Variants in TENM3 observed in about 807,000 individuals in gnomAD.
TENM3 encodes the protein teneurin-3.
A neutral mutation model predicts 255.1 loss-of-function variants in TENM3; 63 were observed. That is an observed-to-expected ratio of 0.25 (90% CI 0.20 to 0.30). TENM3 has a LOEUF of 0.30. TENM3 is among the 10% of genes least tolerant of loss of function. The pLI is 1.00. For missense variants in TENM3, 2,929 were observed against 3,461.1 expected (o/e 0.85, Z 3.86); for synonymous variants, 1,306 against 1,322.3 (o/e 0.99, Z 0.27).
chr4:182,140,960 T>G (rs1198037057), upstream of TENM3, among the ~76,000 whole-genome samples: 1 of 150,722 alleles, frequency 6.6e-6, no homozygotes, highest in African/African-American at 2.4e-5. Context: ...TTCCCCAAAA[T>G]GAATCCAGAG....
the TENM3 span, among the ~76,000 whole-genome samples, chr4:181,898,020 C>T: frequency 1.3e-5 from 2 of 152,180 alleles, no homozygotes; most frequent in Non-Finnish European, 2.9e-5. Flanking sequence ...TTCTATTTCT[C>T]TATTTCTCTA....
chr4:182,124,933 TGTG>T, the TENM3 span, among the ~76,000 whole-genome samples: 15 of 150,066 alleles, frequency 1.0e-4, no homozygotes, highest in South Asian at 6.3e-4. Flanking sequence ...CCACGCTGTG[TGTG>T]CTACTCGCCC....
chr4:182,063,527 G>A, the TENM3 span, among the ~76,000 whole-genome samples: 1 of 152,154 alleles, frequency 6.6e-6, no homozygotes, highest in Non-Finnish European at 1.5e-5. Flanking sequence ...TTATTCAAGT[G>A]CTCCCAAAAC....
At chr4:182,729,220 T>C (rs1420477050) in intron 14 of TENM3, 39 bp downstream of exon 14, 1 of 1,512,378 alleles carries the variant, frequency 6.6e-7, no homozygotes, top group Admixed American at 1.7e-5. Context: ...TGTAATGATG[T>C]TATCAACAGT....
Position 182,792,389 on chromosome 4 carries a change from G to A in TENM3, c.5717G>A (p.Arg1906Gln), listed in dbSNP as rs746186070. 36 of 1,613,872 alleles carry A rather than the reference G, an allele frequency of 2.2e-5. No individual in the cohort carries two copies. Among genetic ancestry groups the A allele is most frequent in the South Asian group, 1.4e-4 (13 of 91,084 alleles). The change falls in exon 26 of 28, where the codon CGA becomes CAA. Residue 1906 changes from arginine to glutamine, a missense_variant. By Grantham distance (43) the Arg-to-Gln change is conservative. Coordinates refer to ENST00000511685, the MANE Select transcript of TENM3 (RefSeq NM_001080477.4). The surrounding 1 kb of genome is among the most constrained non-coding windows in gnomAD (Gnocchi z 6.3). ...SVARHTMQTI[R>Q]SIGYYRNIYN... ...GCTCGCCACACCATGCAGACCATCCGATCCATTGGCTACTACCGCAACATA... is the reference window on the plus strand; with the variant it reads ...GCTCGCCACACCATGCAGACCATCCAATCCATTGGCTACTACCGCAACATA...
At chr4:181,665,770 T>C in the TENM3 span, among the ~76,000 whole-genome samples, 3 of 152,122 alleles carry the variant, frequency 2.0e-5, no homozygotes, top group Non-Finnish European at 4.4e-5. Context: ...ACCATTCTTC[T>C]TTATTTTTGG....
chr4:181,706,927 C>A, the TENM3 span, among the ~76,000 whole-genome samples: 1 of 152,174 alleles, frequency 6.6e-6, no homozygotes, highest in Non-Finnish European at 1.5e-5. Context: ...AATACGTTAG[C>A]CCTAGCTCAG....
intron 3 of TENM3, among the ~76,000 whole-genome samples, chr4:182,384,449 G>T (rs1298842046): frequency 6.6e-6 from 1 of 151,910 alleles, no homozygotes; most frequent in Admixed American, 6.6e-5. Flanking sequence ...TATAAACAAA[G>T]AAATGCATTT....
At chr4:181,694,857 C>G in the TENM3 span, among the ~76,000 whole-genome samples, 1 of 152,166 alleles carries the variant, frequency 6.6e-6, no homozygotes, top group Non-Finnish European at 1.5e-5. Flanking sequence ...CTCTGCTATC[C>G]TAGAAGAAAG....
the TENM3 span, among the ~76,000 whole-genome samples, chr4:181,888,591 C>CGGGTGTGTGTGTGT: frequency 1.1e-5 from 1 of 90,176 alleles, no homozygotes; most frequent in Admixed American, 1.4e-4. Flanking sequence ...TATATATATG[C>CGGGTGTGTGTGTGT]GTGTGTGTGT....
At chr4:181,606,567 G>A in the TENM3 span, among the ~76,000 whole-genome samples, 2 of 152,202 alleles carry the variant, frequency 1.3e-5, no homozygotes, top group East Asian at 3.9e-4. Flanking sequence ...ATTACTCAGG[G>A]AAAATCTGGC....
At chr4:182,641,629 G>A (rs541849406) in intron 5 of TENM3, among the ~76,000 whole-genome samples, 1 of 151,880 alleles carries the variant, frequency 6.6e-6, no homozygotes, top group South Asian at 2.1e-4. Flanking sequence ...ATAGGTTCAA[G>A]TGAATCTCCT....
At chr4:182,114,402 C>A in the TENM3 span, among the ~76,000 whole-genome samples, 1 of 152,008 alleles carries the variant, frequency 6.6e-6, no homozygotes, top group Non-Finnish European at 1.5e-5. Flanking sequence ...TCCTCCTCCT[C>A]CTTCTTCATT....
intron 3 of TENM3, among the ~76,000 whole-genome samples, chr4:182,372,652 C>CA (rs200910500): frequency 8.2e-4 from 120 of 146,598 alleles, no homozygotes; most frequent in African/African-American, 2.4e-3. Flanking sequence ...CCATGCTGAA[C>CA]AAAAAAAAAA....
At chr4:181,705,060 AAAAAC>A in the TENM3 span, among the ~76,000 whole-genome samples, 1 of 151,362 alleles carries the variant, frequency 6.6e-6, no homozygotes. Flanking sequence ...ACAAAAAAAA[AAAAAC>A]AAAAAAGGAG....
intron 3 of TENM3, among the ~76,000 whole-genome samples, chr4:182,559,546 T>C (rs535066775): frequency 3.0e-4 from 46 of 152,286 alleles, no homozygotes; most frequent in African/African-American, 1.0e-3. Context: ...AACCAGAAAA[T>C]GGCAACATGA....
chr4:182,422,959 C>T (rs1259888554), intron 3 of TENM3, among the ~76,000 whole-genome samples: 2 of 152,164 alleles, frequency 1.3e-5, no homozygotes, highest in African/African-American at 2.4e-5. Flanking sequence ...GGTCTCCATC[C>T]AGAGGCCTTG....
At chr4:182,439,441 G>C (rs553157090) in intron 3 of TENM3, among the ~76,000 whole-genome samples, 2 of 152,200 alleles carry the variant, frequency 1.3e-5, no homozygotes, top group African/African-American at 4.8e-5. Context: ...TTTCCTACAG[G>C]GTATTTTAAA....
At chr4:182,219,032 G>A (rs1348268067) in intron 1 of TENM3, among the ~76,000 whole-genome samples, 1 of 152,212 alleles carries the variant, frequency 6.6e-6, no homozygotes, top group Non-Finnish European at 1.5e-5. Flanking sequence ...AGACCAGCCT[G>A]GCCAACTGGC....
Sources: gnomAD v4.1 joint callset for allele counts (sites outside exome capture counted in the v4.1 genomes callset) on GRCh38, gnomAD v4.1.1 for gene constraint, Gnocchi (gnomAD v3.1) non-coding constraint, MANE v1.5 for transcripts, NCBI Gene and HGNC (gene_info 2026-07-23, HGNC 2026-07-21) for gene names.